Variants in IL1RAPL1 observed in about 807,000 individuals in gnomAD.
The protein encoded by IL1RAPL1 is interleukin 1 receptor accessory protein like 1, also known as interleukin-1 receptor accessory protein-like 1.
Under a neutral mutation model 48.4 loss-of-function variants are expected in IL1RAPL1, and 3 were observed. That is an observed-to-expected ratio of 0.06 (90% CI 0.03 to 0.16). The LOEUF is 0.16. IL1RAPL1 is among the 10% of genes least tolerant of loss of function. The pLI is 1.00. For synonymous variants in IL1RAPL1, 185 were observed against 187.7 expected (o/e 0.99, Z 0.12); for missense variants, 349 against 530.6 (o/e 0.66, Z 3.36).
chrX:29,402,838 G>A (rs966899788), intron 5 of IL1RAPL1, among the ~76,000 whole-genome samples: 8 of 109,735 alleles, frequency 7.3e-5, no homozygotes, highest in Admixed American at 2.0e-4. Flanking sequence ...TTTGTCGAAT[G>A]TCCTATATTT....
At chrX:28,760,635 C>T (rs1253771847) in intron 1 of IL1RAPL1, among the ~76,000 whole-genome samples, 2 of 111,619 alleles carry the variant, frequency 1.8e-5, no homozygotes, top group Non-Finnish European at 3.8e-5. Flanking sequence ...GTAAAAATGT[C>T]TCTCTTCTTT....
intron 2 of IL1RAPL1, among the ~76,000 whole-genome samples, chrX:28,991,613 A>C (rs775230855): frequency 3.6e-5 from 4 of 112,021 alleles, no homozygotes; most frequent in Non-Finnish European, 5.6e-5. Flanking sequence ...GTTACTTTGC[A>C]AAGACCGAAA....
chrX:29,681,439 G>T (rs1324491071), intron 6 of IL1RAPL1, among the ~76,000 whole-genome samples: 1 of 112,164 alleles, frequency 8.9e-6, no homozygotes, highest in East Asian at 2.8e-4. Flanking sequence ...CCCATCAGGC[G>T]ATACAAAAAT....
chrX:28,733,586 C>G (rs949779059), intron 1 of IL1RAPL1, among the ~76,000 whole-genome samples: 1 of 111,587 alleles, frequency 9.0e-6, no homozygotes, highest in Non-Finnish European at 1.9e-5. Flanking sequence ...CTTCACTTGT[C>G]TTTCAGAATT....
At chrX:28,658,939 A>G (rs1292366054) in intron 1 of IL1RAPL1, 6 of 383,642 alleles carry the variant, frequency 1.6e-5, no homozygotes, top group Admixed American at 9.8e-5. Context: ...TTCCACTTGC[A>G]ATCACATACT....
At chrX:29,862,282 T>C (rs1252029513) in intron 6 of IL1RAPL1, among the ~76,000 whole-genome samples, 4 of 111,403 alleles carry the variant, frequency 3.6e-5, no homozygotes, top group Non-Finnish European at 5.6e-5. Flanking sequence ...TATCAGTAAA[T>C]ATATTCCCCT....
At chrX:28,771,751 A>C (rs1318637251) in intron 1 of IL1RAPL1, among the ~76,000 whole-genome samples, 2 of 110,997 alleles carry the variant, frequency 1.8e-5, no homozygotes, top group African/African-American at 6.5e-5. Flanking sequence ...AAATAGTCAC[A>C]TATAATGTAG....
In IL1RAPL1 at chrX:29,686,534, GATTTATTT is replaced by G. The variant is rs71956626; in HGVS notation, c.778+18064_778+18071del. ...CCCTGCCTCCCCCCACCCCCCTAAA[GATTTATTT>G]ATTTATTTATTTATTTATTTATTTA... On this transcript the variant is annotated intron_variant, in intron 6 of 10. Coordinates refer to ENST00000378993, the MANE Select transcript of IL1RAPL1 (RefSeq NM_014271.4). Among the ~76,000 whole-genome samples, 166 of 83,329 alleles carry G rather than the reference GATTTATTT, an allele frequency of 2.0e-3. 1 individual carries two copies. Among genetic ancestry groups the G allele is most frequent in the African/African-American group, 5.5e-3 (117 of 21,218 alleles). The allele number at this position is 83,329 out of a possible 115,157, so 72.4% of individuals were successfully genotyped here.
At chrX:29,324,924 T>C (rs11797880) in intron 3 of IL1RAPL1, among the ~76,000 whole-genome samples, 3,195 of 111,970 alleles carry the variant, frequency 0.029, 51 homozygotes, top group Non-Finnish European at 0.044. Context: ...CTATTTATTC[T>C]ACATTAAAAC....
chrX:29,606,086 T>C (rs1923882813), intron 5 of IL1RAPL1, among the ~76,000 whole-genome samples: 2 of 112,331 alleles, frequency 1.8e-5, no homozygotes, highest in African/African-American at 6.5e-5. Context: ...AATATTTTTC[T>C]CTACTTAATT....
intron 6 of IL1RAPL1, among the ~76,000 whole-genome samples, chrX:29,906,252 G>A (rs1467551410): frequency 1.9e-5 from 2 of 103,383 alleles, no homozygotes; most frequent in African/African-American, 7.0e-5. Context: ...GGAGAATGGC[G>A]TGAACCCGGG....
At chrX:29,119,857 G>T (rs771808889) in intron 2 of IL1RAPL1, among the ~76,000 whole-genome samples, 1 of 111,765 alleles carries the variant, frequency 8.9e-6, no homozygotes, top group South Asian at 3.7e-4. Flanking sequence ...AGATAATTCT[G>T]TTGTTAGCAA....
chrX:29,250,868 T>A (rs959850229), intron 2 of IL1RAPL1, among the ~76,000 whole-genome samples: 7 of 111,819 alleles, frequency 6.3e-5, no homozygotes, highest in Non-Finnish European at 1.1e-4. Flanking sequence ...AGCCTTTTAA[T>A]GAGAATCACT....
At position 29,013,290 on chromosome X, in the gene IL1RAPL1, T is replaced by G. The variant is rs188409130; in HGVS notation, c.82+223865T>G. Among the ~76,000 whole-genome samples the G allele has an allele frequency of 1.7e-3, 191 of 111,042 alleles. 1 individual carries two copies. The highest frequency in any genetic ancestry group is 3.0e-3 in the South Asian group (8 of 2,630). On this transcript the variant is annotated intron_variant, in intron 2 of 10. Transcript: ENST00000378993. ...TGAAAGTGTAAATTAGTTCAACCACTATGGAAGACAGTGTTGAGAATCCTC... is the reference window on the plus strand; with the variant it reads ...TGAAAGTGTAAATTAGTTCAACCACGATGGAAGACAGTGTTGAGAATCCTC...
intron 2 of IL1RAPL1, among the ~76,000 whole-genome samples, chrX:29,161,483 A>G (rs1229374178): frequency 8.9e-6 from 1 of 112,286 alleles, no homozygotes; most frequent in Non-Finnish European, 1.9e-5. Context: ...GAGTTGAAAT[A>G]ACGAACCCAC....
chrX:29,086,009 CA>C (rs1455198702), intron 2 of IL1RAPL1, among the ~76,000 whole-genome samples: 29 of 112,312 alleles, frequency 2.6e-4, no homozygotes, highest in African/African-American at 8.7e-4. Flanking sequence ...CATCATTATA[CA>C]GAGGCATTTA....
intron 5 of IL1RAPL1, among the ~76,000 whole-genome samples, chrX:29,583,081 C>T (rs1170689429): frequency 1.9e-5 from 2 of 105,914 alleles, no homozygotes; most frequent in African/African-American, 7.1e-5. Flanking sequence ...TTAATGATTG[C>T]CATTCTATGA....
chrX:28,793,637 C>T (rs764537285), intron 2 of IL1RAPL1, among the ~76,000 whole-genome samples: 1 of 111,077 alleles, frequency 9.0e-6, no homozygotes, highest in Non-Finnish European at 1.9e-5. Context: ...ATAAGAAAAT[C>T]TGCAGTAAGA....
At chrX:29,073,488 C>A (rs774706206) in intron 2 of IL1RAPL1, among the ~76,000 whole-genome samples, 1 of 111,648 alleles carries the variant, frequency 9.0e-6, no homozygotes, top group South Asian at 3.8e-4. Context: ...ATCTATTATT[C>A]TTTTTCAATC....
Sources: allele counts gnomAD v4.1 joint callset (sites outside exome capture counted in the v4.1 genomes callset), GRCh38; gene constraint gnomAD v4.1.1; transcripts MANE v1.5; gene names NCBI Gene and HGNC (gene_info 2026-07-23, HGNC 2026-07-21).